Variants in CADPS observed in about 807,000 individuals in gnomAD.
The protein encoded by CADPS is calcium-dependent secretion activator 1.
A neutral mutation model predicts 167.3 loss-of-function variants in CADPS; 57 were observed. That is an observed-to-expected ratio of 0.34 (90% CI 0.28 to 0.42). CADPS has a LOEUF of 0.42. CADPS is among the 20% of genes least tolerant of loss of function. The probability of loss-of-function intolerance (pLI) is 1.00; values close to 1 mark genes in which losing one functional copy is unlikely to be tolerated. For missense variants in CADPS, 1,414 were observed against 1,738.1 expected, an observed-to-expected ratio of 0.81 and a Z score of 3.32; for synonymous variants, 676 against 635.3, an observed-to-expected ratio of 1.06 and a Z score of -0.96.
chr3:62,667,432 G>A (rs2074669243), intron 3 of CADPS, among the ~76,000 whole-genome samples: 1 of 152,116 alleles, frequency 6.6e-6, no homozygotes, highest in African/African-American at 2.4e-5. Context: ...TGACCTCTCG[G>A]TGCACAGTCC....
At chr3:62,785,200 A>G (rs2092302987) in intron 1 of CADPS, among the ~76,000 whole-genome samples, 1 of 152,148 alleles carries the variant, frequency 6.6e-6, no homozygotes, top group Admixed American at 6.5e-5. Context: ...TATATGTTTG[A>G]TATTTTCATA....
intron 26 of CADPS, among the ~76,000 whole-genome samples, chr3:62,453,367 T>G (rs1407964335): frequency 6.6e-6 from 1 of 152,118 alleles, no homozygotes; most frequent in Non-Finnish European, 1.5e-5. Context: ...AGTGATAGAA[T>G]TTTCAATTTT....
chr3:62,830,050 G>T (rs191080677), intron 1 of CADPS, among the ~76,000 whole-genome samples: 96 of 152,206 alleles, frequency 6.3e-4, no homozygotes, highest in African/African-American at 2.2e-3. Flanking sequence ...TGGGTGATTG[G>T]TTTCCACCCC....
chr3:62,863,049 C>G (rs1260759546), intron 1 of CADPS, among the ~76,000 whole-genome samples: 1 of 152,140 alleles, frequency 6.6e-6, no homozygotes. Context: ...AGTTATGAAC[C>G]AACAATCATG....
At chr3:62,783,905 C>A (rs889385471) in intron 1 of CADPS, among the ~76,000 whole-genome samples, 6 of 152,158 alleles carry the variant, frequency 3.9e-5, no homozygotes, top group Non-Finnish European at 8.8e-5. Context: ...AATGCATACA[C>A]GTGTGAATGC....
At chr3:62,489,487 A>G (rs1192122514) in intron 21 of CADPS, among the ~76,000 whole-genome samples, 5 of 152,194 alleles carry the variant, frequency 3.3e-5, no homozygotes, top group African/African-American at 9.6e-5. Flanking sequence ...AATTTAACAG[A>G]TTATAAAATG....
intron 1 of CADPS, among the ~76,000 whole-genome samples, chr3:62,786,465 G>C (rs979912489): frequency 6.6e-6 from 1 of 151,908 alleles, no homozygotes; most frequent in Non-Finnish European, 1.5e-5. Context: ...AACATAGCAA[G>C]ACCCTATCTC....
intron 1 of CADPS, among the ~76,000 whole-genome samples, chr3:62,852,353 C>A (rs1254702261): frequency 6.6e-6 from 1 of 152,126 alleles, no homozygotes; most frequent in South Asian, 2.1e-4. Context: ...GCAGAAATCA[C>A]CCGTCTTCTG....
At chr3:62,437,360 C>CT (rs2055331354) in intron 28 of CADPS, among the ~76,000 whole-genome samples, 1 of 80,942 alleles carries the variant, frequency 1.2e-5, no homozygotes, top group East Asian at 3.8e-4. Context: ...TTTTTTTTTT[C>CT]TTTTTGCCTC....
intron 2 of CADPS, among the ~76,000 whole-genome samples, chr3:62,762,960 G>A (rs2085881338): frequency 6.6e-6 from 1 of 152,134 alleles, no homozygotes; most frequent in Non-Finnish European, 1.5e-5. Flanking sequence ...AGGGTGGAGT[G>A]TGTGTGAATG....
chr3:62,852,166 A>G (rs1183570543), intron 1 of CADPS, among the ~76,000 whole-genome samples: 1 of 149,794 alleles, frequency 6.7e-6, no homozygotes, highest in Admixed American at 6.7e-5. Flanking sequence ...TATTCTAGTT[A>G]TACATTCTTC....
chr3:62,832,073 A>C (rs1302905658), intron 1 of CADPS, among the ~76,000 whole-genome samples: 2 of 152,222 alleles, frequency 1.3e-5, no homozygotes, highest in African/African-American at 4.8e-5. Context: ...ATAGGTAAGC[A>C]TGCATGGAAA....
chr3:62,758,731 C>A (rs2084630185), intron 2 of CADPS, among the ~76,000 whole-genome samples: 2 of 152,200 alleles, frequency 1.3e-5, no homozygotes, highest in African/African-American at 4.8e-5. Context: ...CCAGACAGGT[C>A]ATAATGAGAG....
intron 3 of CADPS, among the ~76,000 whole-genome samples, chr3:62,681,977 T>C (rs1282785389): frequency 6.6e-6 from 1 of 152,076 alleles, no homozygotes; most frequent in Non-Finnish European, 1.5e-5. Flanking sequence ...AGAAGAGACA[T>C]TGTGTCTGTA....
At chr3:62,402,615 A>G (rs2149054478) in intron 29 of CADPS, among the ~76,000 whole-genome samples, 1 of 152,360 alleles carries the variant, frequency 6.6e-6, no homozygotes, top group Non-Finnish European at 1.5e-5. Context: ...AACTACTTCA[A>G]TTAACTATGA....
intron 21 of CADPS, among the ~76,000 whole-genome samples, chr3:62,488,470 T>TTATC (rs1032970182): frequency 4.5e-5 from 6 of 131,982 alleles, no homozygotes; most frequent in African/African-American, 2.1e-4. Context: ...ACTGTTTTTA[T>TTATC]TATTTATTTA....
At chr3:62,618,299 T>A (rs1361080949) in intron 6 of CADPS, among the ~76,000 whole-genome samples, 1 of 152,048 alleles carries the variant, frequency 6.6e-6, no homozygotes, top group East Asian at 1.9e-4. Flanking sequence ...AGCATCTGGA[T>A]CCAGTCATGC....
intron 3 of CADPS, among the ~76,000 whole-genome samples, chr3:62,731,435 A>G (rs2077772277): frequency 1.3e-5 from 2 of 152,136 alleles, no homozygotes; most frequent in South Asian, 4.1e-4. Context: ...ATTCAGTATC[A>G]TGTGTGTGAA....
intron 1 of CADPS, among the ~76,000 whole-genome samples, chr3:62,852,089 C>A (rs1696206697): frequency 1.4e-5 from 2 of 147,612 alleles, no homozygotes; most frequent in Admixed American, 6.8e-5. Flanking sequence ...CTTCTGCATT[C>A]TTCACGTAGT....
Sources: allele counts gnomAD v4.1 joint callset (sites outside exome capture counted in the v4.1 genomes callset), GRCh38; gene constraint gnomAD v4.1.1; transcripts MANE v1.5; gene names NCBI Gene and HGNC (gene_info 2026-07-23, HGNC 2026-07-21).